The following ADGRB3 variants were observed in gnomAD, a reference collection of about 807,000 sequenced individuals.
ADGRB3 encodes brain-specific angiogenesis inhibitor 3.
In ADGRB3, 37 loss-of-function variants were observed where a neutral mutation model predicts 193.4. The ratio of observed to expected loss-of-function variants is 0.19; its 90% CI spans 0.15 to 0.25. The LOEUF (loss-of-function observed/expected upper bound fraction) is 0.25. Ranked by LOEUF, ADGRB3 falls within the 10% of genes least tolerant of loss-of-function variation. The pLI, the probability that ADGRB3 is intolerant of heterozygous loss-of-function variation, is 1.00. For missense variants in ADGRB3, 1,637 were observed against 1,852.9 expected, an observed-to-expected ratio of 0.88 and a Z score of 2.14; for synonymous variants, 690 against 644.2, an observed-to-expected ratio of 1.07 and a Z score of -1.08.
At chr6:68,905,577 C>G (rs962636460) in intron 3 of ADGRB3, among the ~76,000 whole-genome samples, 1 of 152,086 alleles carries the variant, frequency 6.6e-6, no homozygotes, top group Non-Finnish European at 1.5e-5. Context: ...CTTGGTTGGT[C>G]AAGCAGTCAA....
intron 8 of ADGRB3, 41 bp downstream of exon 8, chr6:68,956,850 A>C: frequency 6.5e-7 from 1 of 1,530,928 alleles, no homozygotes; most frequent in South Asian, 1.1e-5. Context: ...AACATTTCAT[A>C]ACGTGAAAAA....
intron 17 of ADGRB3, among the ~76,000 whole-genome samples, chr6:69,130,967 T>A (rs1773993053): frequency 6.6e-6 from 1 of 152,094 alleles, no homozygotes; most frequent in Non-Finnish European, 1.5e-5. Flanking sequence ...TTTTGCTAAC[T>A]TTTCCTCAAA....
intron 11 of ADGRB3, 30 bp downstream of exon 11, chr6:68,993,992 G>A: frequency 1.9e-6 from 3 of 1,601,726 alleles, no homozygotes; most frequent in Non-Finnish European, 2.6e-6. Context: ...GAAGGAAAGG[G>A]CTAGTGAAGA....
At chr6:68,975,653 A>G (rs1768723212) in intron 10 of ADGRB3, among the ~76,000 whole-genome samples, 1 of 152,222 alleles carries the variant, frequency 6.6e-6, no homozygotes, top group Non-Finnish European at 1.5e-5. Flanking sequence ...TGGTTGGCTT[A>G]AGTCTGTGTT....
intron 3 of ADGRB3, among the ~76,000 whole-genome samples, chr6:68,655,149 G>A (rs900646814): frequency 6.6e-6 from 1 of 150,416 alleles, no homozygotes; most frequent in African/African-American, 2.4e-5. Flanking sequence ...CCAGAATTTA[G>A]GGAGATAATT....
chr6:68,877,006 T>C (rs1276551535), intron 3 of ADGRB3, among the ~76,000 whole-genome samples: 1 of 152,082 alleles, frequency 6.6e-6, no homozygotes, highest in East Asian at 1.9e-4. Context: ...CTTCAAACAT[T>C]TTATTTTGAA....
intron 10 of ADGRB3, among the ~76,000 whole-genome samples, chr6:68,982,906 A>G (rs1768964467): frequency 6.6e-6 from 1 of 152,134 alleles, no homozygotes; most frequent in African/African-American, 2.4e-5. Flanking sequence ...TCGCAGGAGA[A>G]AAAGAAATGA....
chr6:69,147,165 A>G (rs1561934070), intron 17 of ADGRB3, among the ~76,000 whole-genome samples: 1 of 151,456 alleles, frequency 6.6e-6, no homozygotes, highest in African/African-American at 2.4e-5. Flanking sequence ...GATCTTTATT[A>G]TTTCTTTTCT....
chr6:69,231,364 G>T (rs531484339), intron 17 of ADGRB3, among the ~76,000 whole-genome samples: 92 of 152,144 alleles, frequency 6.0e-4, no homozygotes, highest in Non-Finnish European at 1.2e-3. Context: ...GATTTATTGG[G>T]CATAGCTGCA....
intron 17 of ADGRB3, among the ~76,000 whole-genome samples, chr6:69,146,617 C>A (rs1774504249): frequency 6.6e-6 from 1 of 152,222 alleles, no homozygotes; most frequent in Admixed American, 6.5e-5. Flanking sequence ...CACCTGTTCC[C>A]AGCTACCACT....
intron 3 of ADGRB3, among the ~76,000 whole-genome samples, chr6:68,833,380 A>G (rs1029349775): frequency 1.3e-5 from 2 of 151,650 alleles, no homozygotes; most frequent in African/African-American, 4.8e-5. Flanking sequence ...ATGTTATACT[A>G]TTCTTGGTAA....
intron 17 of ADGRB3, among the ~76,000 whole-genome samples, chr6:69,087,346 A>G (rs1482086140): frequency 6.6e-6 from 1 of 152,188 alleles, no homozygotes; most frequent in African/African-American, 2.4e-5. Context: ...GCTTTGACAT[A>G]CTGAACTGAT....
At chr6:69,136,180 A>G (rs1338859531) in intron 17 of ADGRB3, among the ~76,000 whole-genome samples, 1 of 152,068 alleles carries the variant, frequency 6.6e-6, no homozygotes, top group Non-Finnish European at 1.5e-5. Flanking sequence ...AAATATATGT[A>G]TGTAGTTGTA....
In ADGRB3 at chr6:69,019,391, C is replaced by A. The variant is rs575808043; in HGVS notation, c.2107+892C>A. ...TTTAGTTTCTGGATTAGGAAGAGAC[C>A]TACTTTGGTGGGAGAATTAACTAGG... On this transcript the variant is annotated intron_variant, in intron 13 of 31. Coordinates refer to ENST00000370598, the MANE Select transcript of ADGRB3 (RefSeq NM_001704.3). Among the ~76,000 whole-genome samples the A allele has an allele frequency of 2.6e-5, 4 of 152,012 alleles. No homozygotes were observed. The East Asian group carries it at 5.8e-4, about 22-fold the overall frequency.
chr6:69,374,246 T>C (rs1769766775), intron 30 of ADGRB3, among the ~76,000 whole-genome samples: 1 of 152,102 alleles, frequency 6.6e-6, no homozygotes, highest in Non-Finnish European at 1.5e-5. Flanking sequence ...ATGTGGCAGA[T>C]ATTTCGTGGA....
intron 20 of ADGRB3, among the ~76,000 whole-genome samples, chr6:69,278,524 T>C (rs1290457096): frequency 6.6e-6 from 1 of 152,218 alleles, no homozygotes; most frequent in Non-Finnish European, 1.5e-5. Context: ...TTGCCCAATG[T>C]GTATTTTTAT....
intron 3 of ADGRB3, among the ~76,000 whole-genome samples, chr6:68,720,128 A>G (rs191830461): frequency 1.3e-5 from 2 of 151,930 alleles, no homozygotes; most frequent in Admixed American, 6.6e-5. Context: ...ATGAATTGAT[A>G]TGTTTAAGCC....
intron 20 of ADGRB3, among the ~76,000 whole-genome samples, chr6:69,251,596 T>C (rs1766622332): frequency 6.6e-6 from 1 of 152,188 alleles, no homozygotes; most frequent in Non-Finnish European, 1.5e-5. Context: ...CAAGTAGGAT[T>C]GCACCTAGGA....
intron 3 of ADGRB3, among the ~76,000 whole-genome samples, chr6:68,892,432 T>C (rs1270607963): frequency 6.6e-6 from 1 of 152,216 alleles, no homozygotes; most frequent in East Asian, 1.9e-4. Flanking sequence ...CAGTTAAGTG[T>C]CACTCCTCAG....
Sources: allele counts gnomAD v4.1 joint callset (sites outside exome capture counted in the v4.1 genomes callset), GRCh38; gene constraint gnomAD v4.1.1; transcripts MANE v1.5; gene names NCBI Gene and HGNC (gene_info 2026-07-23, HGNC 2026-07-21).